RASIP1: variants seen among roughly 807,000 people sequenced by gnomAD.
The protein encoded by RASIP1 is ras-interacting protein 1.
RASIP1 carries 20 observed loss-of-function variants against 85.3 expected under a neutral mutation model. The observed-to-expected ratio is 0.23, with a 90% CI of 0.17 to 0.34. The LOEUF (loss-of-function observed/expected upper bound fraction) is 0.34. Ranked by LOEUF, RASIP1 falls within the 10% of genes least tolerant of loss-of-function variation. The pLI is 1.00. For missense variants in RASIP1, 1,170 were observed against 1,390.9 expected, an observed-to-expected ratio of 0.84 and a Z score of 2.53; for synonymous variants, 617 against 647.1, an observed-to-expected ratio of 0.95 and a Z score of 0.71.
In RASIP1 at chr19:48,727,251, A is replaced by G. The variant is rs544803941; in HGVS notation, c.1872-93T>C. ...TAAGTCTAAGTGGGAGAGCAAGACCAACTCCCATTGCGCAGCTGGAAAAGT... is the reference window on the plus strand; with the variant it reads ...TAAGTCTAAGTGGGAGAGCAAGACCGACTCCCATTGCGCAGCTGGAAAAGT... On this transcript the variant is annotated intron_variant, in intron 6 of 11. Transcript: ENST00000222145. 44 of 1,559,184 alleles carry G rather than the reference A, an allele frequency of 2.8e-5. No individual in the cohort carries two copies. In the South Asian group the frequency reaches 3.6e-4, roughly 13 times the overall value.
chr19:48,740,023 C>G lies in RASIP1; in HGVS notation c.137+123G>C. On this transcript the variant is annotated intron_variant, in intron 2 of 11. Coordinates refer to ENST00000222145, the MANE Select transcript of RASIP1 (RefSeq NM_017805.3). This position sits in a 1 kb window ranked among gnomAD's most constrained non-coding sequence, Gnocchi z 5.5. ...GTGCCCCACCGTCTCCCCCTGCCCA[C>G]CAGCTCGTTTGCCCAATTCAGGATG... is the stretch of plus-strand genomic sequence containing the variant. 7.6e-7 allele frequency: 1 copy of G among 1,314,512 alleles called. No homozygotes were observed. The highest frequency in any genetic ancestry group is 1.0e-6 in the Non-Finnish European group (1 of 987,354). 81.4% of individuals were successfully genotyped at this position (1,314,512 alleles called of 1,614,324 possible). A position where few individuals can be genotyped will look rare whatever the true frequency, so the allele number is the denominator to read the frequency against.
chr19:48,721,124 G>T, intron 11 of RASIP1, 127 bp from the exon 12 acceptor site: 1 of 821,970 alleles, frequency 1.2e-6, no homozygotes, highest in Non-Finnish European at 1.8e-6. Context: ...CTCCTGGGGC[G>T]GGGTCCGTTC....
Position 48,721,923 on chromosome 19 carries a change from GC to G in RASIP1, c.2622del (p.Gln874HisfsTer52). The G allele has an allele frequency of 6.3e-7, 1 of 1,595,006 alleles. No individual in the cohort carries two copies. ...GCTGGCGGCCCGCGGCCAGGGCCCAGCTGATAGTGGCTGAGCAGATGGTGCA... is the reference window on the plus strand; with the variant it reads ...GCTGGCGGCCCGCGGCCAGGGCCCAGTGATAGTGGCTGAGCAGATGGTGCA... ...AQLHHLLSHY[Q>X]LGPGRGPPAA... On this transcript the variant is annotated frameshift_variant, in exon 11 of 12. Transcript: ENST00000222145. LOFTEE classifies it high-confidence loss of function.
chr19:48,725,719 G>A (rs530776657), intron 8 of RASIP1: 2 of 152,324 alleles, frequency 1.3e-5, no homozygotes, highest in East Asian at 3.9e-4. Context: ...CCTGATGAAA[G>A]AGGATCTTCA....
intron 4 of RASIP1, among the ~76,000 whole-genome samples, chr19:48,730,040 C>T (rs926425865): frequency 6.6e-6 from 1 of 152,070 alleles, no homozygotes; most frequent in African/African-American, 2.4e-5. Context: ...ATAGACACTC[C>T]AAGGAGATCT....
Position 48,729,282 on chromosome 19 carries a change from C to G in RASIP1, c.1488G>C (p.Gly496=). The change falls in exon 5 of 12, where the codon GGG becomes GGC. Residue 496 remains glycine, a synonymous_variant. Transcript: ENST00000222145. Reference sequence around the variant, plus strand: ...CGGGCAGCCACGGCGGCCTCGCAGGCCCCGAGCCCCCAGTGCGGGGGTCCT... The same window carrying G: ...CGGGCAGCCACGGCGGCCTCGCAGGGCCCGAGCCCCCAGTGCGGGGGTCCT... ...MYKDPRTGGS[G]PARPPWLPAR... is the part of the protein sequence containing the mutation. The G allele has an allele frequency of 6.5e-7, 1 of 1,537,918 alleles. No individual in the cohort carries two copies. Among genetic ancestry groups the G allele is most frequent in the Non-Finnish European group, 8.8e-7 (1 of 1,142,724 alleles).
At chr19:48,737,875 C>G (rs2033602259) in intron 3 of RASIP1, 1 of 985,244 alleles carries the variant, frequency 1.0e-6, no homozygotes, top group Non-Finnish European at 1.2e-6. Flanking sequence ...GAACATTGTC[C>G]GTGCTTACTC....
At chr19:48,727,694 T>G (rs10412946) in intron 5 of RASIP1, among the ~76,000 whole-genome samples, 8,211 of 150,296 alleles carry the variant, frequency 0.055, 749 homozygotes, top group African/African-American at 0.19. Flanking sequence ...TTTTTTTTTT[T>G]TTTTTTTTTG....
At chr19:48,730,538 C>G (rs1166641360) in intron 4 of RASIP1, among the ~76,000 whole-genome samples, 1 of 152,214 alleles carries the variant, frequency 6.6e-6, no homozygotes, top group South Asian at 2.1e-4. Context: ...ATCCCTATTT[C>G]TAAAATGAAC....
At position 48,740,071 on chromosome 19, in the gene RASIP1, A is replaced by T; in HGVS notation, c.137+75T>A. 1 of 1,467,820 alleles carries T rather than the reference A, an allele frequency of 6.8e-7. No homozygotes were observed. The highest frequency in any genetic ancestry group is 9.0e-7 in the Non-Finnish European group (1 of 1,110,598). The allele number at this position is 1,467,820 out of a possible 1,614,324, so 90.9% of individuals were successfully genotyped here. On this transcript the variant is annotated intron_variant, in intron 2 of 11. Coordinates refer to ENST00000222145, the MANE Select transcript of RASIP1 (RefSeq NM_017805.3). This position sits in a 1 kb window ranked among gnomAD's most constrained non-coding sequence, Gnocchi z 5.5. ...ATGAGGACCGGAGCCAACACTTTGCAGGGACTGGGCAGTGAACAGGGACAG... is the reference window on the plus strand; with the variant it reads ...ATGAGGACCGGAGCCAACACTTTGCTGGGACTGGGCAGTGAACAGGGACAG...
chr19:48,727,574 G>A lies in RASIP1; in HGVS notation c.1834-144C>T, dbSNP rs760541889. 3.8e-4 allele frequency: 320 copies of A among 839,680 alleles called. 1 individual carries two copies. Among genetic ancestry groups the A allele is most frequent in the Middle Eastern group, 7.3e-4 (3 of 4,136 alleles). 52.0% of individuals were successfully genotyped at this position (839,680 alleles called of 1,614,324 possible). The stretch of plus-strand genomic sequence containing the variant: ...GATGGGGTCTTACTATGTTGCCACC[G>A]GTGGTCTCCAACTCCTGAGCTCAAA... On this transcript the variant is annotated intron_variant, in intron 5 of 11. Coordinates refer to ENST00000222145, the MANE Select transcript of RASIP1 (RefSeq NM_017805.3).
At position 48,739,646 on chromosome 19, in the gene RASIP1, C is replaced by G; in HGVS notation, c.138-1G>C. The G allele has an allele frequency of 7.1e-7, 1 of 1,412,806 alleles. No homozygotes were observed. The highest frequency in any genetic ancestry group is 1.4e-5 in the South Asian group (1 of 69,484). 87.5% of individuals were successfully genotyped at this position (1,412,806 alleles called of 1,614,324 possible). On this transcript the variant is annotated splice_acceptor_variant, in intron 2 of 11. Transcript: ENST00000222145. LOFTEE classifies it high-confidence loss of function. The surrounding 1 kb of genome is among the most constrained non-coding windows in gnomAD (Gnocchi z 9.2). ...GCTCCCCGTGTCCGACGAAGAAGAC[C>G]TGGGAGTCCGCCGGGGAACAGAGTC...
chr19:48,721,762 C>T (rs1005922461), intron 11 of RASIP1, 92 bp downstream of exon 11: 32 of 1,445,404 alleles, frequency 2.2e-5, no homozygotes, highest in Non-Finnish European at 3.0e-5. Context: ...AAGATCGCGC[C>T]ATTGCACTCC....
In RASIP1 at chr19:48,724,498, G is replaced by A; in HGVS notation, c.2383C>T (p.Pro795Ser). 6.2e-7 allele frequency: 1 copy of A among 1,614,036 alleles called. No individual in the cohort carries two copies. Among genetic ancestry groups the A allele is most frequent in the South Asian group, 1.1e-5 (1 of 91,068 alleles). The change falls in exon 10 of 12, where the codon CCT (proline) becomes TCT (serine). Residue 795 changes from proline (P) to serine (S), a missense_variant. Pro to Ser is a moderately conservative substitution (Grantham distance 74, BLOSUM62 -1). Transcript: ENST00000222145. The surrounding 1 kb of genome is among the most constrained non-coding windows in gnomAD (Gnocchi z 4.6). Reference sequence around the variant, plus strand: ...ACAGCTCGGGACCATTGATAGAAAGGCCGGCCTTGACCTGTGGGTGTTAAA... The same window carrying A: ...ACAGCTCGGGACCATTGATAGAAAGACCGGCCTTGACCTGTGGGTGTTAAA... Reference protein sequence around the residue: ...NSLMERGQGRPFYQWSRAVQI... With the variant: ...NSLMERGQGRSFYQWSRAVQI...
intron 4 of RASIP1, 94 bp downstream of exon 4, chr19:48,735,102 C>T (rs941140153): frequency 3.6e-5 from 43 of 1,192,204 alleles, no homozygotes; most frequent in Non-Finnish European, 4.6e-5. Context: ...GAGGCTAGCG[C>T]GCCCCGGGCC....
In RASIP1 at chr19:48,720,694, C is replaced by T. The variant is rs2033210301; in HGVS notation, c.*104G>A. ...AAACTCAATCTCCCAACATTCCACG[C>T]GGGATAAGAACTACAACTCCCAGAA... On this transcript the variant is annotated 3_prime_UTR_variant, in exon 12 of 12. Coordinates refer to ENST00000222145, the MANE Select transcript of RASIP1 (RefSeq NM_017805.3). 29 of 1,278,284 alleles carry T rather than the reference C, an allele frequency of 2.3e-5. No individual in the cohort carries two copies. The highest frequency in any genetic ancestry group is 3.2e-5 in the Non-Finnish European group (29 of 897,278). The allele number at this position is 1,278,284 out of a possible 1,614,324, so 79.2% of individuals were successfully genotyped here. A position where few individuals can be genotyped will look rare whatever the true frequency, so the allele number is the denominator to read the frequency against.
At chr19:48,737,982 TC>T in intron 3 of RASIP1, 2 of 975,442 alleles carry the variant, frequency 2.1e-6, no homozygotes, top group Middle Eastern at 5.3e-4. Flanking sequence ...TCTCGCTCTG[TC>T]CCCCAGGCTG....
At position 48,735,368 on chromosome 19, in the gene RASIP1, C is replaced by A; in HGVS notation, c.1007G>T (p.Arg336Leu). The A allele has an allele frequency of 6.2e-7, 1 of 1,613,186 alleles. No individual in the cohort carries two copies. Among genetic ancestry groups the A allele is most frequent in the Non-Finnish European group, 8.5e-7 (1 of 1,179,850 alleles). The change falls in exon 4 of 12, where the codon CGG (arginine) becomes CTG (leucine). Residue 336 changes from arginine (R) to leucine (L), a missense_variant. This residue lies in a region of RASIP1 where 301 missense variants were observed against 294.8 expected (regional missense o/e 1.02). Transcript: ENST00000222145. Reference sequence around the variant, plus strand: ...CTGTCTCCGCTCCTGCTGCCGCCGCCGCCGCCCCTGAAGGCTAAGCTCCGA... The same window carrying A: ...CTGTCTCCGCTCCTGCTGCCGCCGCAGCCGCCCCTGAAGGCTAAGCTCCGA... ...SVSELSLQGRRRRQQERRQQA... is the reference protein window; with the variant it reads ...SVSELSLQGRLRRQQERRQQA...
chr19:48,739,851 A>G lies in RASIP1; in HGVS notation c.138-206T>C, dbSNP rs2033640583. On this transcript the variant is annotated intron_variant, in intron 2 of 11. Coordinates refer to ENST00000222145, the MANE Select transcript of RASIP1 (RefSeq NM_017805.3). The surrounding 1 kb of genome is among the most constrained non-coding windows in gnomAD (Gnocchi z 9.2). The stretch of plus-strand genomic sequence containing the variant: ...AAATAAATAAATAAAGGCAAGTCCC[A>G]CAGTAGGAAATTCCAAGAGGTGAGC... 6.6e-6 allele frequency among the ~76,000 whole-genome samples: 1 copy of G among 152,196 alleles called. No homozygotes were observed. The highest frequency in any genetic ancestry group is 2.4e-5 in the African/African-American group (1 of 41,454).
Sources: gnomAD v4.1 joint callset for allele counts (sites outside exome capture counted in the v4.1 genomes callset) on GRCh38, gnomAD v4.1.1 for gene constraint, gnomAD v4.1.1 regional missense constraint, Gnocchi (gnomAD v3.1) non-coding constraint, MANE v1.5 for transcripts, NCBI Gene and HGNC (gene_info 2026-07-23, HGNC 2026-07-21) for gene names.